MMP26: variants seen among roughly 807,000 people sequenced by gnomAD.
The protein encoded by MMP26 is matrix metallopeptidase 26.
A neutral mutation model predicts 31.0 loss-of-function variants in MMP26; 33 were observed. The observed-to-expected ratio is 1.06, with a 90% CI of 0.81 to 1.42. MMP26 has a LOEUF of 1.42. Among genes scored for constraint, MMP26 ranks in the 40% most tolerant of loss-of-function variants. The pLI is 0.00. For synonymous variants in MMP26, 122 were observed against 114.9 expected (o/e 1.06, Z -0.40); for missense variants, 347 against 316.1 (o/e 1.10, Z -0.74).
intron 2 of MMP26, among the ~76,000 whole-genome samples, chr11:4,921,071 C>A (rs1188935664): frequency 6.6e-6 from 1 of 152,142 alleles, no homozygotes. Context: ...AAACAATATC[C>A]CATGAGCTGA....
chr11:4,959,110 C>T (rs1265842076), intron 2 of MMP26, among the ~76,000 whole-genome samples: 1 of 151,924 alleles, frequency 6.6e-6, no homozygotes, highest in South Asian at 2.1e-4. Flanking sequence ...TGGTGGCGGG[C>T]GCCTGTAGTC....
intron 2 of MMP26, among the ~76,000 whole-genome samples, chr11:4,847,093 C>T (rs573359578): frequency 6.6e-6 from 1 of 152,276 alleles, no homozygotes; most frequent in East Asian, 1.9e-4. Flanking sequence ...AGCACTACCC[C>T]AGTACAAGAA....
At chr11:4,789,875 CT>C (rs1331047781) in intron 2 of MMP26, among the ~76,000 whole-genome samples, 1 of 151,868 alleles carries the variant, frequency 6.6e-6, no homozygotes, top group Non-Finnish European at 1.5e-5. Context: ...AATATGTTTA[CT>C]TGGTTCAATA....
intron 2 of MMP26, among the ~76,000 whole-genome samples, chr11:4,896,784 AT>A (rs1850709898): frequency 6.6e-6 from 1 of 152,228 alleles, no homozygotes; most frequent in South Asian, 2.1e-4. Context: ...AACAAGTAAC[AT>A]TAAAAAAGAG....
intron 2 of MMP26, among the ~76,000 whole-genome samples, chr11:4,807,625 G>A: frequency 6.7e-6 from 1 of 148,218 alleles, no homozygotes; most frequent in South Asian, 2.2e-4. Flanking sequence ...TCTGGGGGTG[G>A]GGGGTTGGGG....
Position 4,977,854 on chromosome 11 carries a change from T to G in MMP26, c.-144-10214T>G, listed in dbSNP as rs569556332. On this transcript the variant is annotated intron_variant, in intron 2 of 7. Coordinates refer to ENST00000380390, the MANE Select transcript of MMP26 (RefSeq NM_021801.5). ...GCTAGAACTTCATCCTTGGCCACCA[T>G]AAACTTCTCAAACTGTGGCTTTTGT... 5.8e-4 allele frequency among the ~76,000 whole-genome samples: 88 copies of G among 152,164 alleles called. 1 individual carries two copies. Among genetic ancestry groups the G allele is most frequent in the Admixed American group, 1.5e-3 (23 of 15,266 alleles).
At chr11:4,935,331 T>C (rs1589944084) in intron 2 of MMP26, among the ~76,000 whole-genome samples, 1 of 151,760 alleles carries the variant, frequency 6.6e-6, no homozygotes, top group African/African-American at 2.4e-5. Flanking sequence ...TTATTCTCTT[T>C]GAAGCAATTG....
intron 2 of MMP26, among the ~76,000 whole-genome samples, chr11:4,952,777 T>A (rs1323317507): frequency 8.0e-6 from 1 of 125,230 alleles, no homozygotes; most frequent in African/African-American, 2.7e-5. Context: ...AATAGCTTTT[T>A]TAAAATGCCT....
chr11:4,887,342 A>T (rs1180974906), intron 2 of MMP26, among the ~76,000 whole-genome samples: 1 of 152,152 alleles, frequency 6.6e-6, no homozygotes, highest in East Asian at 1.9e-4. Flanking sequence ...CAAATACATT[A>T]AACCTGTTGG....
intron 2 of MMP26, among the ~76,000 whole-genome samples, chr11:4,892,282 A>G (rs1343744654): frequency 2.0e-5 from 3 of 152,198 alleles, no homozygotes; most frequent in Admixed American, 1.3e-4. Context: ...CCACATAAAA[A>G]AAGTATGCAG....
At chr11:4,721,230 G>A (rs553517803) in intron 1 of MMP26, among the ~76,000 whole-genome samples, 1 of 152,280 alleles carries the variant, frequency 6.6e-6, no homozygotes, top group South Asian at 2.1e-4. Flanking sequence ...GCTCAATATG[G>A]TCATGATAGG....
chr11:4,895,663 C>T (rs533216257), intron 2 of MMP26, among the ~76,000 whole-genome samples: 18 of 152,282 alleles, frequency 1.2e-4, no homozygotes, highest in African/African-American at 4.3e-4. Flanking sequence ...GTGGCTCATG[C>T]CTGTAATCCC....
intron 1 of MMP26, among the ~76,000 whole-genome samples, chr11:4,738,279 A>T (rs1247711031): frequency 6.6e-6 from 1 of 152,192 alleles, no homozygotes; most frequent in Non-Finnish European, 1.5e-5. Context: ...AGACAAATGA[A>T]GACAGGAGAG....
intron 1 of MMP26, among the ~76,000 whole-genome samples, chr11:4,764,736 G>A (rs186856422): frequency 0.011 from 1,619 of 152,176 alleles, 28 homozygotes; most frequent in African/African-American, 0.037. Flanking sequence ...AGCTGGGCGC[G>A]GTGGCGGGCG....
intron 2 of MMP26, among the ~76,000 whole-genome samples, chr11:4,789,275 T>G (rs530249786): frequency 6.6e-6 from 1 of 152,308 alleles, no homozygotes; most frequent in South Asian, 2.1e-4. Flanking sequence ...GATTTATGTT[T>G]CTAAAGCCTC....
Position 4,726,551 on chromosome 11 carries a change from G to A in MMP26, c.-217+21506G>A, listed in dbSNP as rs369866226. Among the ~76,000 whole-genome samples, 197 of 152,254 alleles carry A rather than the reference G, an allele frequency of 1.3e-3. 1 individual carries two copies. The highest frequency in any genetic ancestry group is 3.4e-3 in the Middle Eastern group (1 of 294). ...AAATAATAGCTAGTAAGATATGAGT[G>A]TGTGAAAGAGAAGCGAAGCCAATGA... On this transcript the variant is annotated intron_variant, in intron 1 of 7. Transcript: ENST00000380390.
At chr11:4,956,185 A>G (rs946846128) in intron 2 of MMP26, among the ~76,000 whole-genome samples, 2 of 152,204 alleles carry the variant, frequency 1.3e-5, no homozygotes, top group African/African-American at 4.8e-5. Flanking sequence ...CTTACCAGAG[A>G]GTGGATATTT....
At chr11:4,960,387 A>C (rs1846504673) in intron 2 of MMP26, among the ~76,000 whole-genome samples, 1 of 151,114 alleles carries the variant, frequency 6.6e-6, no homozygotes, top group African/African-American at 2.4e-5. Context: ...ATGATGCCCC[A>C]CTCCACCTCA....
chr11:4,806,816 A>G (rs574244636), intron 2 of MMP26, among the ~76,000 whole-genome samples: 52 of 152,250 alleles, frequency 3.4e-4, no homozygotes, highest in African/African-American at 1.1e-3. Flanking sequence ...AAAACCACCT[A>G]TATCCGGGGT....
Sources: gnomAD v4.1 joint callset for allele counts (sites outside exome capture counted in the v4.1 genomes callset) on GRCh38, gnomAD v4.1.1 for gene constraint, MANE v1.5 for transcripts, NCBI Gene and HGNC (gene_info 2026-07-23, HGNC 2026-07-21) for gene names.